FAM83B: variants seen among roughly 807,000 people sequenced by gnomAD.
FAM83B encodes protein FAM83B.
In FAM83B, 26 loss-of-function variants were observed where a neutral mutation model predicts 38.8. That is an observed-to-expected ratio of 0.67 (90% confidence interval 0.49 to 0.93). FAM83B has a LOEUF of 0.93. Among genes scored for constraint, FAM83B ranks in the 40% least tolerant of loss-of-function variants. The pLI is 0.00. For missense variants in FAM83B, 1,237 were observed against 1,197.3 expected, an observed-to-expected ratio of 1.03 and a Z score of -0.49; for synonymous variants, 419 against 423.1, an observed-to-expected ratio of 0.99 and a Z score of 0.12.
At chr6:54,895,222 A>G (rs1772502056) in intron 2 of FAM83B, among the ~76,000 whole-genome samples, 1 of 152,280 alleles carries the variant, frequency 6.6e-6, no homozygotes, top group African/African-American at 2.4e-5. Flanking sequence ...TTACAAAGAG[A>G]TATTGAAGAA....
At chr6:54,894,243 C>A (rs536144144) in intron 2 of FAM83B, among the ~76,000 whole-genome samples, 1 of 152,252 alleles carries the variant, frequency 6.6e-6, no homozygotes, top group South Asian at 2.1e-4. Context: ...GTGGTTCTTG[C>A]AAGTGCTCTG....
At chr6:54,883,880 A>T (rs1260061097) in intron 2 of FAM83B, among the ~76,000 whole-genome samples, 2 of 151,964 alleles carry the variant, frequency 1.3e-5, no homozygotes, top group East Asian at 3.9e-4. Flanking sequence ...TATCAAAGAA[A>T]TACTTGCAGC....
intron 4 of FAM83B, 98 bp from the exon 5 acceptor site, chr6:54,939,608 G>A (rs1773607553): frequency 8.7e-7 from 1 of 1,142,924 alleles, no homozygotes; most frequent in Non-Finnish European, 1.2e-6. Flanking sequence ...CCAAAGAAAA[G>A]TACAAAAACA....
intron 2 of FAM83B, among the ~76,000 whole-genome samples, chr6:54,895,173 G>A (rs1772501257): frequency 6.6e-6 from 1 of 151,104 alleles, no homozygotes; most frequent in South Asian, 2.1e-4. Flanking sequence ...GAAAGGATGT[G>A]GGGAAACAAC....
chr6:54,940,191 A>C lies in FAM83B; in HGVS notation c.1220A>C (p.Asn407Thr). 1 of 1,614,094 alleles carries C rather than the reference A, an allele frequency of 6.2e-7. No individual in the cohort carries two copies. Among genetic ancestry groups the C allele is most frequent in the Non-Finnish European group, 8.5e-7 (1 of 1,180,000 alleles). The change falls in exon 5 of 5, where the codon AAT becomes ACT. Residue 407 changes from asparagine (N) to threonine (T), a missense_variant. Coordinates refer to ENST00000306858, the MANE Select transcript of FAM83B (RefSeq NM_001010872.3). Reference sequence around the variant, plus strand: ...TACCTCCTGCTTAATAGGGCTCTGAATAGAACCAATAATCCACCTGGTAAT... The same window carrying C: ...TACCTCCTGCTTAATAGGGCTCTGACTAGAACCAATAATCCACCTGGTAAT... ...VPYLLLNRALNRTNNPPGNWK... is the reference protein window; with the variant it reads ...VPYLLLNRALTRTNNPPGNWK...
chr6:54,925,026 A>T (rs1012506649), intron 2 of FAM83B, among the ~76,000 whole-genome samples: 5 of 152,188 alleles, frequency 3.3e-5, no homozygotes, highest in African/African-American at 1.2e-4. Flanking sequence ...TGACTTTAAG[A>T]CATTGTGATA....
chr6:54,935,635 CAG>C (rs901260985), intron 4 of FAM83B, among the ~76,000 whole-genome samples: 4 of 152,170 alleles, frequency 2.6e-5, no homozygotes, highest in African/African-American at 9.6e-5. Context: ...TTAAACAAAA[CAG>C]AAAGTTCTGT....
chr6:54,895,661 G>T (rs945634698), intron 2 of FAM83B, among the ~76,000 whole-genome samples: 1 of 152,192 alleles, frequency 6.6e-6, no homozygotes, highest in East Asian at 1.9e-4. Context: ...TGTATGTAAT[G>T]ATTGTTTTTG....
At chr6:54,851,789 A>G (rs1771300498) in intron 1 of FAM83B, among the ~76,000 whole-genome samples, 1 of 148,440 alleles carries the variant, frequency 6.7e-6, no homozygotes, top group Non-Finnish European at 1.5e-5. Flanking sequence ...CTGGGACTAC[A>G]GGCGCCCGCC....
chr6:54,904,681 AGATACTAAG>A (rs1235829804), intron 2 of FAM83B, among the ~76,000 whole-genome samples: 4 of 152,214 alleles, frequency 2.6e-5, no homozygotes, highest in African/African-American at 9.6e-5. Context: ...TAAGAGACTT[AGATACTAAG>A]GTTAGTAGAT....
At chr6:54,864,399 G>A (rs967483320) in intron 1 of FAM83B, among the ~76,000 whole-genome samples, 2 of 152,190 alleles carry the variant, frequency 1.3e-5, no homozygotes, top group African/African-American at 2.4e-5. Context: ...TAAGATGGGT[G>A]ATTCTACTGG....
chr6:54,934,488 G>A (rs1035933490), intron 4 of FAM83B, among the ~76,000 whole-genome samples: 1 of 152,058 alleles, frequency 6.6e-6, no homozygotes, highest in Non-Finnish European at 1.5e-5. Context: ...TGTTTCCAGA[G>A]AATAATGTCT....
chr6:54,900,388 C>G (rs1479663845), intron 2 of FAM83B, among the ~76,000 whole-genome samples: 1 of 152,058 alleles, frequency 6.6e-6, no homozygotes. Context: ...GTAATGTGAG[C>G]TTTTGCCTGA....
chr6:54,871,368 T>G (rs1185274205), intron 2 of FAM83B, among the ~76,000 whole-genome samples: 1 of 151,678 alleles, frequency 6.6e-6, no homozygotes, highest in Admixed American at 6.6e-5. Context: ...CTCAGCACCA[T>G]GGTGGGCACT....
chr6:54,940,420 C>T lies in FAM83B; in HGVS notation c.1449C>T (p.Thr483=), dbSNP rs1381279468. Residue 483 remains threonine (T), a synonymous_variant, in exon 5 of 5, where the codon ACC becomes ACT. Coordinates refer to ENST00000306858, the MANE Select transcript of FAM83B (RefSeq NM_001010872.3). The part of the protein sequence containing the change: ...HIRFLQQRMP[T]LEHTTKSFLR... ...GCTTTTTGCAACAACGAATGCCAAC[C>T]CTTGAACATACCACAAAGTCATTCC... 1 of 1,613,816 alleles carries T rather than the reference C, an allele frequency of 6.2e-7. No homozygotes were observed. Among genetic ancestry groups the T allele is most frequent in the South Asian group, 1.1e-5 (1 of 91,058 alleles).
rs1160182009 is a variant in FAM83B, at chr6:54,939,864, A to G, written c.893A>G (p.Lys298Arg). ...QEESARVKHG[K>R]ALWENGTYQH... ...GAATCAGCAAGGGTGAAGCATGGAA[A>G]AGCCCTCTGGGAAAATGGCACTTAC... The change falls in exon 5 of 5, where the codon AAA (lysine) becomes AGA (arginine). Residue 298 changes from lysine (K) to arginine (R), a missense_variant. Transcript: ENST00000306858. 2.5e-6 allele frequency: 4 copies of G among 1,613,852 alleles called. No homozygotes were observed. The highest frequency in any genetic ancestry group is 2.5e-6 in the Non-Finnish European group (3 of 1,179,960).
chr6:54,863,688 A>G (rs1771637989), intron 1 of FAM83B, among the ~76,000 whole-genome samples: 1 of 152,224 alleles, frequency 6.6e-6, no homozygotes, highest in Non-Finnish European at 1.5e-5. Flanking sequence ...TCCTGTGTGA[A>G]TGTAGTTAAT....
At chr6:54,922,040 T>A (rs1246358893) in intron 2 of FAM83B, among the ~76,000 whole-genome samples, 2 of 152,082 alleles carry the variant, frequency 1.3e-5, no homozygotes, top group Non-Finnish European at 2.9e-5. Flanking sequence ...GATAAGCTTG[T>A]CAGAGATGTA....
At chr6:54,906,770 C>T (rs975900347) in intron 2 of FAM83B, among the ~76,000 whole-genome samples, 43 of 152,242 alleles carry the variant, frequency 2.8e-4, no homozygotes, top group African/African-American at 1.0e-3. Context: ...ACCATTCTCT[C>T]AGTTAATAGA....
Sources: allele counts gnomAD v4.1 joint callset (sites outside exome capture counted in the v4.1 genomes callset), GRCh38; gene constraint gnomAD v4.1.1; transcripts MANE v1.5; gene names NCBI Gene and HGNC (gene_info 2026-07-23, HGNC 2026-07-21).